S100Z: variants seen among roughly 807,000 people sequenced by gnomAD.
The protein encoded by S100Z is protein S100-Z.
A neutral mutation model predicts 8.5 loss-of-function variants in S100Z; 11 were observed. The observed-to-expected ratio is 1.30, with a 90% CI of 0.82 to 2.15. The LOEUF (loss-of-function observed/expected upper bound fraction) is 2.15. Ranked by LOEUF, S100Z falls within the 30% of genes most tolerant of loss-of-function variation. S100Z has a pLI of 0.00. For synonymous variants in S100Z, 34 were observed against 43.8 expected, an observed-to-expected ratio of 0.78 and a Z score of 0.89; for missense variants, 126 against 117.9, an observed-to-expected ratio of 1.07 and a Z score of -0.32.
chr5:76,859,014 T>C (rs1010339828), intron 1 of S100Z, among the ~76,000 whole-genome samples: 1 of 152,172 alleles, frequency 6.6e-6, no homozygotes, highest in Admixed American at 6.5e-5. Context: ...CTCAGTAGGC[T>C]GAGGCATGAG....
intron 1 of S100Z, among the ~76,000 whole-genome samples, chr5:76,868,376 G>T (rs1163725723): frequency 6.6e-6 from 1 of 152,078 alleles, no homozygotes; most frequent in East Asian, 1.9e-4. Flanking sequence ...AACCCCAAGA[G>T]CCAAGATGTA....
At chr5:76,877,651 A>C (rs746963438) in intron 3 of S100Z, 23 bp from the exon 4 acceptor site, 6 of 1,525,420 alleles carry the variant, frequency 3.9e-6, no homozygotes, top group Non-Finnish European at 4.5e-6. Context: ...CCAGGGAGTT[A>C]GAAATTTCCT....
At chr5:76,868,700 G>A (rs1034239559) in intron 1 of S100Z, among the ~76,000 whole-genome samples, 2 of 147,100 alleles carry the variant, frequency 1.4e-5, no homozygotes, top group African/African-American at 2.5e-5. Flanking sequence ...CTCGGCTCAC[G>A]GTAACCTCTG....
intron 4 of S100Z, among the ~76,000 whole-genome samples, chr5:76,909,915 G>A (rs1744588554): frequency 6.6e-6 from 1 of 152,200 alleles, no homozygotes; most frequent in Non-Finnish European, 1.5e-5. Context: ...AGCTTTAGCT[G>A]CAGCCCAAAA....
Position 76,863,570 on chromosome 5 carries a change from A to G in S100Z, c.-175-6596A>G, listed in dbSNP as rs565560783. Among the ~76,000 whole-genome samples, 290 of 152,004 alleles carry G rather than the reference A, an allele frequency of 1.9e-3. 5 individuals carry two copies. Among genetic ancestry groups the G allele is most frequent in the East Asian group, 0.017 (87 of 5,178 alleles). ...TATTTATTTTTTGAGGCAGAGTCTC[A>G]CTCTGTTGCCCAGGCTGGAGTGCAG... On this transcript the variant is annotated intron_variant, in intron 1 of 4. Transcript: ENST00000317593.
In S100Z at chr5:76,897,006, T is replaced by C. The variant is rs571328457; in HGVS notation, c.*2+19172T>C. Among the ~76,000 whole-genome samples the C allele has an allele frequency of 7.9e-5, 12 of 152,316 alleles. No homozygotes were observed. The South Asian group carries it at 1.9e-3, about 24-fold the overall frequency. On this transcript the variant is annotated intron_variant, in intron 4 of 4. Coordinates refer to ENST00000317593, the MANE Select transcript of S100Z (RefSeq NM_130772.4). ...TTTCCGGGTTCTCTATTTTGTTCCA[T>C]TGGTCTGTGTGTCTGTTTTTATGCC...
At chr5:76,922,927 CAAT>C (rs2150691238), downstream of S100Z, among the ~76,000 whole-genome samples, 1 of 151,524 alleles carries the variant, frequency 6.6e-6, no homozygotes, top group African/African-American at 2.4e-5. Context: ...CCTTTTTTCC[CAAT>C]AATCTGCCTT....
At chr5:76,923,275 G>A (rs961680501), downstream of S100Z, among the ~76,000 whole-genome samples, 1 of 152,162 alleles carries the variant, frequency 6.6e-6, no homozygotes, top group Non-Finnish European at 1.5e-5. Context: ...GTAGAAACCA[G>A]GTAGCCCTGT....
chr5:76,909,131 A>T (rs762723605), intron 4 of S100Z, among the ~76,000 whole-genome samples: 2 of 152,086 alleles, frequency 1.3e-5, no homozygotes, highest in African/African-American at 4.8e-5. Flanking sequence ...ATCGGTGAGC[A>T]CAGCTATTCC....
At chr5:76,925,502 A>G (rs780518951), downstream of S100Z, among the ~76,000 whole-genome samples, 1 of 152,112 alleles carries the variant, frequency 6.6e-6, no homozygotes, top group Admixed American at 6.5e-5. Flanking sequence ...TCCTGAGTCT[A>G]TAGACTCTCA....
At chr5:76,863,743 T>C (rs942283437) in intron 1 of S100Z, among the ~76,000 whole-genome samples, 2 of 152,042 alleles carry the variant, frequency 1.3e-5, no homozygotes, top group Admixed American at 1.3e-4. Flanking sequence ...TTTCACCGTG[T>C]TAGCCAGGAT....
intron 4 of S100Z, among the ~76,000 whole-genome samples, chr5:76,914,544 C>G (rs951244253): frequency 6.6e-6 from 1 of 152,124 alleles, no homozygotes; most frequent in Admixed American, 6.5e-5. Context: ...TTCTTTCACT[C>G]TTCGCAATAA....
chr5:76,858,398 C>T (rs543797089), intron 1 of S100Z, among the ~76,000 whole-genome samples: 273 of 152,204 alleles, frequency 1.8e-3, no homozygotes, highest in Non-Finnish European at 3.2e-3. Context: ...TGGCACTTGC[C>T]TATAGTCCCA....
At chr5:76,951,258 G>T in the S100Z span, among the ~76,000 whole-genome samples, 1 of 152,218 alleles carries the variant, frequency 6.6e-6, no homozygotes, top group Admixed American at 6.5e-5. Context: ...TGAGGAGTGG[G>T]CATCATGACA....
At chr5:76,871,682 C>G (rs1743014824) in intron 2 of S100Z, among the ~76,000 whole-genome samples, 1 of 152,074 alleles carries the variant, frequency 6.6e-6, no homozygotes, top group South Asian at 2.1e-4. Flanking sequence ...ACCACCACAC[C>G]CGGCTAATTT....
chr5:76,899,200 C>T (rs190976625), intron 4 of S100Z, among the ~76,000 whole-genome samples: 32 of 152,050 alleles, frequency 2.1e-4, no homozygotes, highest in Non-Finnish European at 2.4e-4. Context: ...TCCCAAAGTG[C>T]GGGATTACAG....
intron 4 of S100Z, among the ~76,000 whole-genome samples, chr5:76,894,986 A>C (rs1485107311): frequency 6.6e-6 from 1 of 152,134 alleles, no homozygotes; most frequent in Non-Finnish European, 1.5e-5. Context: ...GAATTCCCTG[A>C]AGTCTAACTT....
At chr5:76,907,006 A>G (rs1201339552) in intron 4 of S100Z, among the ~76,000 whole-genome samples, 2 of 18,476 alleles carry the variant, frequency 1.1e-4, no homozygotes, top group African/African-American at 4.1e-4. Context: ...ATATATATAT[A>G]TATATATATA....
intron 4 of S100Z, among the ~76,000 whole-genome samples, chr5:76,908,984 AACCTTCTTTG>A (rs1241725142): frequency 2.0e-5 from 3 of 152,134 alleles, no homozygotes; most frequent in African/African-American, 7.2e-5. Context: ...CACTAAATCC[AACCTTCTTTG>A]GTCCTCCTTG....
Sources: allele counts gnomAD v4.1 joint callset (sites outside exome capture counted in the v4.1 genomes callset), GRCh38; gene constraint gnomAD v4.1.1; transcripts MANE v1.5; gene names NCBI Gene and HGNC (gene_info 2026-07-23, HGNC 2026-07-21).